The following PTPN14 variants were observed in gnomAD, a reference collection of about 807,000 sequenced individuals.
PTPN14 encodes the protein tyrosine-protein phosphatase non-receptor type 14.
PTPN14 carries 53 observed loss-of-function variants against 126.8 expected under a neutral mutation model. The observed-to-expected ratio is 0.42, with a 90% confidence interval of 0.34 to 0.53. The LOEUF (loss-of-function observed/expected upper bound fraction) is 0.53. Among genes scored for constraint, PTPN14 ranks in the 20% least tolerant of loss-of-function variants. PTPN14 has a pLI of 0.08. For synonymous variants in PTPN14, 630 were observed against 599.3 expected, an observed-to-expected ratio of 1.05 and a Z score of -0.75; for missense variants, 1,257 against 1,552.9, an observed-to-expected ratio of 0.81 and a Z score of 3.20.
intron 3 of PTPN14, among the ~76,000 whole-genome samples, chr1:214,424,414 G>T (rs114150196): frequency 2.6e-5 from 4 of 152,100 alleles, no homozygotes; most frequent in Non-Finnish European, 5.9e-5. Context: ...GCAAAATAGG[G>T]GCTATCTGCT....
intron 1 of PTPN14, among the ~76,000 whole-genome samples, chr1:214,523,903 G>T (rs560561107): frequency 6.7e-6 from 1 of 149,372 alleles, no homozygotes; most frequent in Non-Finnish European, 1.5e-5. Context: ...AGGCTGGAGT[G>T]CAGTGGTACA....
intron 5 of PTPN14, among the ~76,000 whole-genome samples, chr1:214,406,158 C>T (rs1659165124): frequency 6.6e-6 from 1 of 152,172 alleles, no homozygotes; most frequent in Admixed American, 6.5e-5. Context: ...ACAGTAGCCT[C>T]TAGACACATG....
rs1160129840 is a variant in PTPN14, at chr1:214,491,014, AAAGGAAGAAAGG to A, written c.-154-26069_-154-26058del. ...AGGGAAGGAAAGGAAAGAAAGGAAGAAAGGAAGAAAGGAAGGAAGGAAGAAAGAAAGAAAGAA... is the reference window on the plus strand; with the variant it reads ...AGGGAAGGAAAGGAAAGAAAGGAAGAAAGGAAGGAAGAAAGAAAGAAAGAA... On this transcript the variant is annotated intron_variant, in intron 1 of 18. Transcript: ENST00000366956. Among the ~76,000 whole-genome samples, 15 of 147,626 alleles carry A rather than the reference AAAGGAAGAAAGG, an allele frequency of 1.0e-4. No individual in the cohort carries two copies. In the South Asian group the frequency reaches 1.5e-3, roughly 15 times the overall value.
chr1:214,468,243 C>G (rs1660683263), intron 1 of PTPN14, among the ~76,000 whole-genome samples: 1 of 152,176 alleles, frequency 6.6e-6, no homozygotes, highest in South Asian at 2.1e-4. Context: ...AACTTGCTTT[C>G]CAATGGTTTT....
chr1:214,404,042 C>G (rs144399461), intron 5 of PTPN14, among the ~76,000 whole-genome samples: 1 of 152,176 alleles, frequency 6.6e-6, no homozygotes, highest in African/African-American at 2.4e-5. Context: ...TCATACCAAA[C>G]GCCCCATTCC....
rs781411616 is a variant in PTPN14, at chr1:214,384,092, T to C, written c.1763A>G (p.Lys588Arg). The stretch of plus-strand genomic sequence containing the variant: ...GTCCGGGCTGCTGCCGCTGACGTAC[T>C]TGTGGCGGTGGCTGGCCAGGTCTGG... ...STPDLASHRH[K>R]YVSGSSPDLV... Residue 588 changes from lysine to arginine, a missense_variant, in exon 13 of 19, where the codon AAG (lysine) becomes AGG (arginine). Physicochemically the swap from Lys to Arg is conservative, Grantham distance 26. Transcript: ENST00000366956. The surrounding 1 kb of genome is among the most constrained non-coding windows in gnomAD (Gnocchi z 5.3). 3.2e-6 allele frequency: 5 copies of C among 1,573,586 alleles called. No individual in the cohort carries two copies. Among genetic ancestry groups the C allele is most frequent in the South Asian group, 2.3e-5 (2 of 85,898 alleles).
At chr1:214,532,517 C>G (rs1655579116) in intron 1 of PTPN14, 1 of 958,484 alleles carries the variant, frequency 1.0e-6, no homozygotes, top group Non-Finnish European at 1.7e-6. Flanking sequence ...AGAGCAAAAT[C>G]TGGGAGCACC....
chr1:214,460,524 A>ACACACACAC lies in PTPN14; in HGVS notation c.174+4105_174+4106insGTGTGTGTG, dbSNP rs140053325. Among the ~76,000 whole-genome samples the ACACACACAC allele has an allele frequency of 3.0e-5, 4 of 132,574 alleles. 1 individual carries two copies. Among genetic ancestry groups the ACACACACAC allele is most frequent in the African/African-American group, 1.2e-4 (4 of 33,164 alleles). 87.0% of individuals were successfully genotyped at this position (132,574 alleles called of 152,430 possible). On this transcript the variant is annotated intron_variant, in intron 2 of 18. Transcript: ENST00000366956. The stretch of plus-strand genomic sequence containing the variant: ...AACTCTGCCTTTCCCTGAAAATTCC[A>ACACACACAC]ACACACACACACACACACACACACA...
intron 1 of PTPN14, among the ~76,000 whole-genome samples, chr1:214,537,696 C>T (rs116329186): frequency 0.042 from 6,372 of 152,302 alleles, 191 homozygotes; most frequent in Middle Eastern, 0.12. Context: ...CCTATAACTA[C>T]TTTTACTTTC....
intron 1 of PTPN14, among the ~76,000 whole-genome samples, chr1:214,485,656 A>T (rs1366178087): frequency 6.6e-6 from 1 of 152,200 alleles, no homozygotes; most frequent in African/African-American, 2.4e-5. Context: ...ACAGACATGG[A>T]GAGTTTCTGT....
rs1450361514 is a variant in PTPN14, at chr1:214,355,866, A to G, written c.*2056T>C. ...CAAAAGCAGCAATGAAGAAAGGCAT[A>G]TGGAACTCTCACAGCAGTCAATTCT... On this transcript the variant is annotated 3_prime_UTR_variant, in exon 19 of 19. Coordinates refer to ENST00000366956, the MANE Select transcript of PTPN14 (RefSeq NM_005401.5). The G allele has an allele frequency of 6.6e-6, 1 of 152,108 alleles. No individual in the cohort carries two copies. Among genetic ancestry groups the G allele is most frequent in the Admixed American group, 6.5e-5 (1 of 15,270 alleles). The allele number at this position is 152,108 out of a possible 1,614,324, so 9.4% of individuals were successfully genotyped here.
intron 1 of PTPN14, among the ~76,000 whole-genome samples, chr1:214,544,636 A>G (rs1394833040): frequency 6.6e-6 from 1 of 152,006 alleles, no homozygotes; most frequent in African/African-American, 2.4e-5. Flanking sequence ...CTGTAATCCC[A>G]GCTACTCAGG....
chr1:214,471,089 T>C (rs1036524410), intron 1 of PTPN14, among the ~76,000 whole-genome samples: 3 of 151,468 alleles, frequency 2.0e-5, no homozygotes, highest in Non-Finnish European at 4.4e-5. Context: ...TTTTTTTTTT[T>C]TTAAAGACTT....
chr1:214,534,120 A>C (rs1655634902), intron 1 of PTPN14, among the ~76,000 whole-genome samples: 1 of 152,230 alleles, frequency 6.6e-6, no homozygotes, highest in Admixed American at 6.5e-5. Flanking sequence ...AAAATTTCAA[A>C]ACCCAGCACT....
chr1:214,391,749 G>GT (rs1217547143), intron 10 of PTPN14, among the ~76,000 whole-genome samples: 2 of 148,974 alleles, frequency 1.3e-5, no homozygotes, highest in African/African-American at 4.9e-5. Context: ...TTTTATTAAG[G>GT]TAAGTTCTTC....
At position 214,383,243 on chromosome 1, in the gene PTPN14, C is replaced by T. The variant is rs1658513998; in HGVS notation, c.2544+68G>A. 6.5e-7 allele frequency: 1 copy of T among 1,533,486 alleles called. No individual in the cohort carries two copies. The highest frequency in any genetic ancestry group is 8.9e-7 in the Non-Finnish European group (1 of 1,129,296). The allele number at this position is 1,533,486 out of a possible 1,614,324, so 95.0% of individuals were successfully genotyped here. On this transcript the variant is annotated intron_variant, in intron 13 of 18. Transcript: ENST00000366956. The surrounding 1 kb of genome is among the most constrained non-coding windows in gnomAD (Gnocchi z 4.4). Reference sequence around the variant, plus strand: ...TACCACGTTCCCTGCATAAGCCCTGCCCCTTGCTCAGTGCCTGAAGCATGT... The same window carrying T: ...TACCACGTTCCCTGCATAAGCCCTGTCCCTTGCTCAGTGCCTGAAGCATGT...
intron 3 of PTPN14, among the ~76,000 whole-genome samples, chr1:214,434,434 A>G (rs1011421693): frequency 6.6e-6 from 1 of 152,158 alleles, no homozygotes; most frequent in South Asian, 2.1e-4. Flanking sequence ...TCAACGATGG[A>G]CATGCTTTTT....
At chr1:214,367,699 C>T (rs1658114085) in intron 17 of PTPN14, among the ~76,000 whole-genome samples, 1 of 152,108 alleles carries the variant, frequency 6.6e-6, no homozygotes, top group Admixed American at 6.5e-5. Flanking sequence ...ACGGGGTCTC[C>T]TGACAAGCAC....
rs1183486673 is a variant in PTPN14 at position 214,482,917 on chromosome 1, G to A, written c.-154-17960C>T. 2.5e-6 allele frequency: 4 copies of A among 1,596,454 alleles called. No homozygotes were observed. The African/African-American group carries it at 5.4e-5, about 21-fold the overall frequency. On this transcript the variant is annotated intron_variant, in intron 1 of 18. Coordinates refer to ENST00000366956, the MANE Select transcript of PTPN14 (RefSeq NM_005401.5). The stretch of plus-strand genomic sequence containing the variant: ...TTTACAGCTGATACAGCACAGGCTG[G>A]AGCTCCCACTAAGCCACCCTCAGAT...
Sources: gnomAD v4.1 joint callset for allele counts (sites outside exome capture counted in the v4.1 genomes callset) on GRCh38, gnomAD v4.1.1 for gene constraint, Gnocchi (gnomAD v3.1) non-coding constraint, MANE v1.5 for transcripts, NCBI Gene and HGNC (gene_info 2026-07-23, HGNC 2026-07-21) for gene names.